Variants in NIPAL2 observed in about 807,000 individuals in gnomAD.
The protein encoded by NIPAL2 is NIPA like domain containing 2, also known as NIPA-like protein 2.
In NIPAL2, 43 loss-of-function variants were observed where a neutral mutation model predicts 48.9. The ratio of observed to expected loss-of-function variants is 0.88; its 90% CI spans 0.69 to 1.13. The LOEUF is 1.13. Ranked by LOEUF, NIPAL2 falls within the 50% of genes most tolerant of loss-of-function variation. The pLI is 0.00. For synonymous variants in NIPAL2, 167 were observed against 174.6 expected (o/e 0.96, Z 0.34); for missense variants, 446 against 461.4 (o/e 0.97, Z 0.31).
At chr8:98,287,842 G>C (rs1381746967) in intron 1 of NIPAL2, among the ~76,000 whole-genome samples, 1 of 152,178 alleles carries the variant, frequency 6.6e-6, no homozygotes, top group South Asian at 2.1e-4. Context: ...AAAAAGGATA[G>C]CTTTGGGGAA....
intron 1 of NIPAL2, among the ~76,000 whole-genome samples, chr8:98,278,839 T>C (rs1815631972): frequency 6.6e-6 from 1 of 152,176 alleles, no homozygotes; most frequent in Non-Finnish European, 1.5e-5. Context: ...TGAGTAACTA[T>C]TTTATAATAA....
At chr8:98,272,791 A>G (rs576510188) in intron 1 of NIPAL2, among the ~76,000 whole-genome samples, 2 of 152,118 alleles carry the variant, frequency 1.3e-5, no homozygotes, top group Admixed American at 6.5e-5. Flanking sequence ...ATTTTTTATA[A>G]CTGTGTGCTA....
At chr8:98,231,654 A>G (rs570716393) in intron 4 of NIPAL2, 2 of 150,686 alleles carry the variant, frequency 1.3e-5, no homozygotes, top group Non-Finnish European at 3.0e-5. Context: ...TCCACTAAGA[A>G]TCAGAGCACA....
chr8:98,193,497 C>T lies in NIPAL2; in HGVS notation c.1040-407G>A, dbSNP rs1810393888. 2.3e-6 allele frequency: 3 copies of T among 1,325,848 alleles called. No homozygotes were observed. In the South Asian group the frequency reaches 3.5e-5, roughly 16 times the overall value. The allele number at this position is 1,325,848 out of a possible 1,614,324, so 82.1% of individuals were successfully genotyped here. ...CTAAAGCTACTACGGAGCCTATGCA[C>T]TGAGCTTTGTGAAATAAAAAATAGA... is the stretch of plus-strand genomic sequence containing the variant. On this transcript the variant is annotated intron_variant, in intron 10 of 10. Transcript: ENST00000430223.
intron 1 of NIPAL2, among the ~76,000 whole-genome samples, chr8:98,269,456 C>T (rs1238876283): frequency 6.6e-6 from 1 of 152,158 alleles, no homozygotes; most frequent in Non-Finnish European, 1.5e-5. Context: ...TCCATAAGAG[C>T]TCTTGGGTGA....
intron 5 of NIPAL2, among the ~76,000 whole-genome samples, chr8:98,218,637 TG>T (rs1270105168): frequency 6.6e-6 from 1 of 152,204 alleles, no homozygotes; most frequent in African/African-American, 2.4e-5. Context: ...CTATGACTGA[TG>T]GCCTGAGTGA....
At chr8:98,241,630 G>A (rs942748620) in intron 3 of NIPAL2, among the ~76,000 whole-genome samples, 12 of 151,988 alleles carry the variant, frequency 7.9e-5, no homozygotes, top group South Asian at 2.1e-4. Flanking sequence ...TAATCTAAAC[G>A]TTCAGCAATA....
Position 98,252,467 on chromosome 8 carries a change from A to G in NIPAL2, c.372T>C (p.Val124=), listed in dbSNP as rs1488336133. Residue 124 remains valine, a synonymous_variant, in exon 3 of 11, where the codon GTT becomes GTC. Transcript: ENST00000430223. Reference sequence around the variant, plus strand: ...TCAAAATACAGAATGGCTTACCTGTAACAGACACACAGCCTAACGGAGCGA... The same window carrying G: ...TCAAAATACAGAATGGCTTACCTGTGACAGACACACAGCCTAACGGAGCGA... The part of the protein sequence containing the change: ...TLIAPLGCVS[V]TGSAIISVTF... The G allele has an allele frequency of 2.5e-6, 4 of 1,604,660 alleles. No individual in the cohort carries two copies. In the African/African-American group the frequency reaches 4.0e-5, roughly 16 times the overall value.
intron 10 of NIPAL2, 63 bp from the exon 11 acceptor site, chr8:98,193,153 T>A (rs1158934136): frequency 7.4e-7 from 1 of 1,354,090 alleles, no homozygotes; most frequent in Admixed American, 1.7e-5. Context: ...TCTTAATAAT[T>A]TCTCCTCAAT....
intron 3 of NIPAL2, among the ~76,000 whole-genome samples, chr8:98,247,494 CAG>C (rs1255313350): frequency 6.6e-6 from 1 of 152,150 alleles, no homozygotes; most frequent in East Asian, 1.9e-4. Flanking sequence ...TTTTGCAATG[CAG>C]AGAGTCTCCA....
chr8:98,253,184 G>A (rs1286658250), intron 2 of NIPAL2, among the ~76,000 whole-genome samples: 1 of 152,026 alleles, frequency 6.6e-6, no homozygotes. Flanking sequence ...CTGTGCCTAA[G>A]TTATAAATTA....
rs1354720147 is a variant in NIPAL2 at position 98,252,584 on chromosome 8, G to C, written c.255C>G (p.Phe85Leu). ...LAQQEHPRPY[F>L]KSVLWWGGVL... ...CACCACCCCACCACAGCACACTCTT[G>C]AAGTATGGCCTTGGGTGCTCTTGTT... The change falls in exon 3 of 11, where the codon TTC (phenylalanine) becomes TTG (leucine). Residue 85 changes from phenylalanine (F) to leucine (L), a missense_variant. By Grantham distance (22) the Phe-to-Leu change is conservative (BLOSUM62 0). Transcript: ENST00000430223. 1 of 1,614,004 alleles carries C rather than the reference G, an allele frequency of 6.2e-7. No homozygotes were observed. The highest frequency in any genetic ancestry group is 8.5e-7 in the Non-Finnish European group (1 of 1,180,012).
At chr8:98,237,382 A>C (rs1313502832) in intron 3 of NIPAL2, among the ~76,000 whole-genome samples, 1 of 151,276 alleles carries the variant, frequency 6.6e-6, no homozygotes, top group African/African-American at 2.4e-5. Context: ...TCTGTTCCCA[A>C]CTCTTCATTC....
chr8:98,249,430 G>C (rs973197004), intron 3 of NIPAL2, among the ~76,000 whole-genome samples: 2 of 151,880 alleles, frequency 1.3e-5, no homozygotes, highest in Admixed American at 1.3e-4. Context: ...ATTGCTAACT[G>C]TGGTGCTTCT....
At chr8:98,273,208 G>C (rs1389341201) in intron 1 of NIPAL2, among the ~76,000 whole-genome samples, 1 of 152,136 alleles carries the variant, frequency 6.6e-6, no homozygotes, top group Non-Finnish European at 1.5e-5. Flanking sequence ...ACTGGTACAT[G>C]CTACAACCTA....
chr8:98,246,338 CA>C (rs1813305864), intron 3 of NIPAL2, among the ~76,000 whole-genome samples: 1 of 152,152 alleles, frequency 6.6e-6, no homozygotes, highest in Non-Finnish European at 1.5e-5. Context: ...GAGCAAAAAC[CA>C]GCATATTGGG....
rs553448476 is a variant in NIPAL2, at chr8:98,273,349, T to C, written c.136-19262A>G. On this transcript the variant is annotated intron_variant, in intron 1 of 10. Transcript: ENST00000430223. ...GACAGAAAATAAATCAGGGGTTTTC[T>C]TAGGGCTGGGATGAATGAGGGGCTT... Among the ~76,000 whole-genome samples, 129 of 152,198 alleles carry C rather than the reference T, an allele frequency of 8.5e-4. 1 individual carries two copies. The highest frequency in any genetic ancestry group is 3.1e-3 in the African/African-American group (128 of 41,564).
intron 1 of NIPAL2, among the ~76,000 whole-genome samples, chr8:98,258,573 C>T (rs1814046474): frequency 6.6e-6 from 1 of 152,100 alleles, no homozygotes; most frequent in Non-Finnish European, 1.5e-5. Context: ...TGAACTGTAA[C>T]CCAACTTAGT....
chr8:98,217,114 C>G lies in NIPAL2; in HGVS notation c.559-4613G>C, dbSNP rs1811616490. 5 of 985,450 alleles carry G rather than the reference C, an allele frequency of 5.1e-6. No homozygotes were observed. The South Asian group carries it at 2.3e-4, about 46-fold the overall frequency. The allele number at this position is 985,450 out of a possible 1,614,324, so 61.0% of individuals were successfully genotyped here. ...GGATTGCCCATCTGCAGCAGACAGG[C>G]TGGGAAAGGCTGTTTTAGTGAGTGC... is the stretch of plus-strand genomic sequence containing the variant. On this transcript the variant is annotated intron_variant, in intron 5 of 10. Coordinates refer to ENST00000430223, the MANE Select transcript of NIPAL2 (RefSeq NM_001321635.2).
Sources: allele counts gnomAD v4.1 joint callset (sites outside exome capture counted in the v4.1 genomes callset), GRCh38; gene constraint gnomAD v4.1.1; transcripts MANE v1.5; gene names NCBI Gene and HGNC (gene_info 2026-07-23, HGNC 2026-07-21).